The following STARD13 variants were observed in gnomAD, a reference collection of about 807,000 sequenced individuals.
STARD13 encodes the protein stAR-related lipid transfer protein 13.
Under a neutral mutation model 106.4 loss-of-function variants are expected in STARD13, and 62 were observed. That is an observed-to-expected ratio of 0.58 (90% CI 0.48 to 0.72). The LOEUF (loss-of-function observed/expected upper bound fraction) is 0.72, where lower values mean the gene tolerates loss of function less well. Among genes scored for constraint, STARD13 ranks in the 30% least tolerant of loss-of-function variants. The pLI, the probability that STARD13 is intolerant of heterozygous loss-of-function variation, is 0.00. For missense variants in STARD13, 1,387 were observed against 1,424.0 expected (o/e 0.97, Z 0.42); for synonymous variants, 565 against 553.0 (o/e 1.02, Z -0.31).
chr13:33,448,307 C>A, the STARD13 span, among the ~76,000 whole-genome samples: 4 of 152,260 alleles, frequency 2.6e-5, no homozygotes, highest in African/African-American at 9.6e-5. Context: ...ATTCTACTCT[C>A]TACTTCAATG....
intron 1 of STARD13, among the ~76,000 whole-genome samples, chr13:33,221,401 A>T (rs114801443): frequency 6.6e-6 from 1 of 152,306 alleles, no homozygotes; most frequent in South Asian, 2.1e-4. Flanking sequence ...CACGGTAAAC[A>T]TTTCCTTGCT....
chr13:33,198,380 G>T (rs533257688), intron 1 of STARD13, among the ~76,000 whole-genome samples: 1 of 152,140 alleles, frequency 6.6e-6, no homozygotes, highest in Admixed American at 6.5e-5. Flanking sequence ...CAGCATCAGA[G>T]CCTTGGCCCT....
At chr13:33,535,179 T>C in the STARD13 span, among the ~76,000 whole-genome samples, 10 of 152,090 alleles carry the variant, frequency 6.6e-5, no homozygotes, top group Non-Finnish European at 1.3e-4. Context: ...CATGCCATTG[T>C]GCTCCAGTCT....
the STARD13 span, among the ~76,000 whole-genome samples, chr13:33,641,225 A>G: frequency 6.6e-6 from 1 of 152,194 alleles, no homozygotes; most frequent in Non-Finnish European, 1.5e-5. Context: ...CAACTAAGTC[A>G]GATCATTTCC....
At chr13:33,200,619 A>G (rs1390222275) in intron 1 of STARD13, among the ~76,000 whole-genome samples, 1 of 152,128 alleles carries the variant, frequency 6.6e-6, no homozygotes, top group Admixed American at 6.6e-5. Flanking sequence ...TTCACTTTGG[A>G]AGTTGGCACT....
intron 1 of STARD13, among the ~76,000 whole-genome samples, chr13:33,211,380 T>C (rs2138137944): frequency 6.6e-6 from 1 of 152,288 alleles, no homozygotes; most frequent in East Asian, 1.9e-4. Context: ...CTTGTCTCCT[T>C]GGAAGTAGTC....
chr13:33,353,465 T>C (rs1217550716), upstream of STARD13, among the ~76,000 whole-genome samples: 1 of 152,186 alleles, frequency 6.6e-6, no homozygotes, highest in Non-Finnish European at 1.5e-5. Context: ...CCTGGGTTCC[T>C]CCTTTTCACA....
chr13:33,488,591 T>G, the STARD13 span, among the ~76,000 whole-genome samples: 320 of 152,324 alleles, frequency 2.1e-3, 2 homozygotes, highest in African/African-American at 7.4e-3. Flanking sequence ...ATGATCTTCC[T>G]TTTGGGCATG....
At chr13:33,319,789 T>C (rs1893488353) in intron 1 of STARD13, among the ~76,000 whole-genome samples, 2 of 152,204 alleles carry the variant, frequency 1.3e-5, no homozygotes, top group South Asian at 4.1e-4. Flanking sequence ...TAGCTCAATA[T>C]TTATAAGCCT....
Position 33,103,563 on chromosome 13 carries a change from C to T in STARD13, c.*2030G>A, listed in dbSNP as rs1252030400. 6.6e-6 allele frequency: 1 copy of T among 152,638 alleles called. No individual in the cohort carries two copies. The highest frequency in any genetic ancestry group is 2.4e-5 in the African/African-American group (1 of 41,450). 9.5% of individuals were successfully genotyped at this position (152,638 alleles called of 1,614,324 possible). A position where few individuals can be genotyped will look rare whatever the true frequency, so the allele number is the denominator to read the frequency against. Reference sequence around the variant, plus strand: ...GTTTTAGGCCAGCAGCATAGGCATCCCTGAGACTCCTTAGAAATGCAGAAT... The same window carrying T: ...GTTTTAGGCCAGCAGCATAGGCATCTCTGAGACTCCTTAGAAATGCAGAAT... On this transcript the variant is annotated 3_prime_UTR_variant, in exon 14 of 14. Coordinates refer to ENST00000336934, the MANE Select transcript of STARD13 (RefSeq NM_178006.4).
chr13:33,113,944 T>G (rs1874990994), intron 8 of STARD13, among the ~76,000 whole-genome samples: 1 of 152,208 alleles, frequency 6.6e-6, no homozygotes, highest in Non-Finnish European at 1.5e-5. Flanking sequence ...CACTGTTGTC[T>G]TTCTTAAAGT....
the STARD13 span, among the ~76,000 whole-genome samples, chr13:33,404,934 G>T: frequency 6.6e-6 from 1 of 151,964 alleles, no homozygotes; most frequent in African/African-American, 2.4e-5. Flanking sequence ...GTGCCACCAC[G>T]CAGAGCTAAT....
chr13:33,600,874 A>T, the STARD13 span, among the ~76,000 whole-genome samples: 1 of 151,030 alleles, frequency 6.6e-6, no homozygotes, highest in Non-Finnish European at 1.5e-5. Context: ...AAGAATAAAG[A>T]GACCAAGAAG....
At chr13:33,487,788 C>A in the STARD13 span, among the ~76,000 whole-genome samples, 1 of 152,208 alleles carries the variant, frequency 6.6e-6, no homozygotes, top group East Asian at 1.9e-4. Context: ...TTATCATCCA[C>A]AAACTTCACC....
At chr13:33,364,682 G>A in the STARD13 span, among the ~76,000 whole-genome samples, 7 of 152,336 alleles carry the variant, frequency 4.6e-5, no homozygotes, top group Non-Finnish European at 8.8e-5. Context: ...GAGGTCAGGA[G>A]ATCGGGACCA....
chr13:33,571,686 C>T, the STARD13 span, among the ~76,000 whole-genome samples: 47 of 152,268 alleles, frequency 3.1e-4, no homozygotes, highest in Admixed American at 3.0e-3. Context: ...TATCCTGTCC[C>T]GCTTTCTAAG....
intron 1 of STARD13, among the ~76,000 whole-genome samples, chr13:33,171,650 G>C (rs766625934): frequency 1.8e-4 from 27 of 152,190 alleles, no homozygotes; most frequent in Non-Finnish European, 2.5e-4. Flanking sequence ...CCCCATCCCT[G>C]TTAGTCTAAG....
chr13:33,325,784 G>T (rs2077767109), intron 1 of STARD13, among the ~76,000 whole-genome samples: 1 of 151,996 alleles, frequency 6.6e-6, no homozygotes, highest in Admixed American at 6.6e-5. Context: ...CACGAGGTCA[G>T]GAGATCGAGA....
the STARD13 span, among the ~76,000 whole-genome samples, chr13:33,532,646 A>G: frequency 2.6e-3 from 399 of 152,318 alleles, 2 homozygotes; most frequent in African/African-American, 9.0e-3. Flanking sequence ...CTTGTATGCT[A>G]TTAATATACC....
Sources: allele counts gnomAD v4.1 joint callset (sites outside exome capture counted in the v4.1 genomes callset), GRCh38; gene constraint gnomAD v4.1.1; transcripts MANE v1.5; gene names NCBI Gene and HGNC (gene_info 2026-07-23, HGNC 2026-07-21).